Variants in QTMAN observed in about 807,000 individuals in gnomAD.
The protein encoded by QTMAN is queuosine-tRNA mannosyltransferase.
chr2:144,173,755 G>T, the QTMAN span, among the ~76,000 whole-genome samples: 1 of 128,010 alleles, frequency 7.8e-6, no homozygotes, highest in Non-Finnish European at 1.5e-5. Context: ...TTGGATGGGG[G>T]TTCTCGTGAG....
chr2:144,156,924 T>C, the QTMAN span, among the ~76,000 whole-genome samples: 1 of 152,024 alleles, frequency 6.6e-6, no homozygotes, highest in Non-Finnish European at 1.5e-5. Flanking sequence ...CTTTACCAGG[T>C]GACTGAAGAG....
At chr2:144,001,393 T>C in the QTMAN span, among the ~76,000 whole-genome samples, 9 of 152,074 alleles carry the variant, frequency 5.9e-5, no homozygotes, top group African/African-American at 2.2e-4. Context: ...TCTCAATGAT[T>C]GGACTTTTTC....
At chr2:144,316,248 A>G in the QTMAN span, among the ~76,000 whole-genome samples, 2 of 151,884 alleles carry the variant, frequency 1.3e-5, no homozygotes, top group African/African-American at 4.8e-5. Context: ...AAAAAAAAAA[A>G]CGCTGCTGCT....
chr2:144,015,550 G>A, the QTMAN span, among the ~76,000 whole-genome samples: 29 of 151,884 alleles, frequency 1.9e-4, no homozygotes, highest in Non-Finnish European at 5.9e-5. Flanking sequence ...TGGGCTCTCT[G>A]TTATTGGTCT....
chr2:144,133,468 ATAT>A, the QTMAN span, among the ~76,000 whole-genome samples: 2 of 75,070 alleles, frequency 2.7e-5, no homozygotes, highest in African/African-American at 1.2e-4. Flanking sequence ...TATATATTAT[ATAT>A]TATATAATAT....
the QTMAN span, among the ~76,000 whole-genome samples, chr2:144,236,950 A>C: frequency 6.6e-6 from 1 of 152,062 alleles, no homozygotes; most frequent in Admixed American, 6.5e-5. Context: ...GAAGGGAAAA[A>C]TTACCTTTTG....
At chr2:144,142,033 A>C in the QTMAN span, 4 of 1,610,252 alleles carry the variant, frequency 2.5e-6, no homozygotes, top group African/African-American at 1.3e-5. Context: ...ACTGAGTTGA[A>C]TACAACCACA....
chr2:144,204,242 G>A, the QTMAN span, among the ~76,000 whole-genome samples: 74 of 152,168 alleles, frequency 4.9e-4, no homozygotes, highest in African/African-American at 6.5e-4. Context: ...TTTGCAATCT[G>A]GTCATCTGAC....
At chr2:144,270,298 TTACTGGGTATATACCCAA>T in the QTMAN span, among the ~76,000 whole-genome samples, 1 of 152,156 alleles carries the variant, frequency 6.6e-6, no homozygotes, top group Non-Finnish European at 1.5e-5. Flanking sequence ...AGCAATCCCA[TTACTGGGTATATACCCAA>T]TGGATTTGAA....
chr2:144,182,378 A>G, the QTMAN span, among the ~76,000 whole-genome samples: 1 of 151,978 alleles, frequency 6.6e-6, no homozygotes, highest in Non-Finnish European at 1.5e-5. Flanking sequence ...TTGTGGCTCA[A>G]GCCTGTAATC....
chr2:144,104,481 G>T, the QTMAN span, among the ~76,000 whole-genome samples: 1 of 152,138 alleles, frequency 6.6e-6, no homozygotes, highest in Non-Finnish European at 1.5e-5. Flanking sequence ...GGCTTGGAGG[G>T]TCCCACGCTC....
chr2:144,115,761 A>T, the QTMAN span, among the ~76,000 whole-genome samples: 3 of 152,210 alleles, frequency 2.0e-5, no homozygotes, highest in African/African-American at 7.2e-5. Context: ...TACACAGGTC[A>T]TAACTGAGTG....
At chr2:144,057,502 C>A in the QTMAN span, among the ~76,000 whole-genome samples, 4 of 152,240 alleles carry the variant, frequency 2.6e-5, 1 homozygote, top group Admixed American at 2.6e-4. Context: ...TCATGATGAT[C>A]CTGACCACTT....
At chr2:144,016,607 A>C in the QTMAN span, among the ~76,000 whole-genome samples, 7 of 152,184 alleles carry the variant, frequency 4.6e-5, no homozygotes, top group East Asian at 7.7e-4. Context: ...AATGGTCTCT[A>C]ATCATGTGTT....
chr2:144,014,365 T>C, the QTMAN span, among the ~76,000 whole-genome samples: 3 of 152,178 alleles, frequency 2.0e-5, no homozygotes, highest in Non-Finnish European at 2.9e-5. Flanking sequence ...TATTCAATGC[T>C]TGATGCCTGA....
At chr2:144,182,809 ATATATATAT>A in the QTMAN span, among the ~76,000 whole-genome samples, 1 of 2,494 alleles carries the variant, frequency 4.0e-4, no homozygotes, top group African/African-American at 5.0e-4. Context: ...TATATATATA[ATATATATAT>A]TATATATATA....
chr2:144,328,268 A>G, the QTMAN span, among the ~76,000 whole-genome samples: 6 of 152,078 alleles, frequency 3.9e-5, no homozygotes, highest in Non-Finnish European at 1.5e-5. Context: ...TTTTTTAAAC[A>G]CTCAAAAAAA....
At chr2:144,045,797 G>A in the QTMAN span, among the ~76,000 whole-genome samples, 1 of 152,196 alleles carries the variant, frequency 6.6e-6, no homozygotes, top group Non-Finnish European at 1.5e-5. Flanking sequence ...GAGAGAGGAA[G>A]GAGGTCAAGG....
chr2:144,271,717 A>G, the QTMAN span, among the ~76,000 whole-genome samples: 1 of 152,070 alleles, frequency 6.6e-6, no homozygotes, highest in African/African-American at 2.4e-5. Flanking sequence ...CCCCACCACT[A>G]TGGCTTCTCC....
Sources: gnomAD v4.1 joint callset for allele counts (sites outside exome capture counted in the v4.1 genomes callset) on GRCh38, gnomAD v4.1.1 for gene constraint, MANE v1.5 for transcripts, NCBI Gene and HGNC (gene_info 2026-07-23, HGNC 2026-07-21) for gene names.